Variants in ACACB observed in about 807,000 individuals in gnomAD.
ACACB encodes the protein acetyl-CoA carboxylase beta, also known as acetyl-CoA carboxylase 2.
ACACB carries 209 observed loss-of-function variants against 278.8 expected under a neutral mutation model. That is an observed-to-expected ratio of 0.75 (90% CI 0.67 to 0.84). The LOEUF is 0.84. Ranked by LOEUF, ACACB falls within the 40% of genes least tolerant of loss-of-function variation. ACACB has a pLI of 0.00. For synonymous variants in ACACB, 1,174 were observed against 1,285.6 expected (o/e 0.91, Z 1.86); for missense variants, 2,850 against 3,269.0 (o/e 0.87, Z 3.13).
intron 1 of ACACB, among the ~76,000 whole-genome samples, chr12:109,136,095 G>A (rs1232176417): frequency 6.6e-6 from 1 of 152,162 alleles, no homozygotes; most frequent in African/African-American, 2.4e-5. Flanking sequence ...ACAGGCATGA[G>A]CCACCATGCC....
intron 2 of ACACB, among the ~76,000 whole-genome samples, chr12:109,153,138 G>A (rs998493027): frequency 1.3e-5 from 2 of 151,408 alleles, no homozygotes; most frequent in Admixed American, 6.6e-5. Context: ...AGGCCACCCC[G>A]CCACCACACC....
rs2047426559 is a variant in ACACB at position 109,263,068 on chromosome 12, G to A, written c.6787+599G>A. ...TGATGGGGATTATCAGAATTTTGGT[G>A]GCAAAATGTTCCTTTAGAATTCCCA... On this transcript the variant is annotated intron_variant, in intron 49 of 52. Transcript: ENST00000338432. The A allele has an allele frequency of 3.4e-5, 5 of 149,154 alleles. No individual in the cohort carries two copies. In the South Asian group the frequency reaches 1.1e-3, roughly 32 times the overall value. The allele number at this position is 149,154 out of a possible 1,614,324, so 9.2% of individuals were successfully genotyped here. A position where few individuals can be genotyped will look rare whatever the true frequency, so the allele number is the denominator to read the frequency against.
At chr12:109,176,412 C>T (rs531020861) in intron 9 of ACACB, 149 bp downstream of exon 9, 23 of 723,536 alleles carry the variant, frequency 3.2e-5, no homozygotes, top group Non-Finnish European at 4.6e-5. Context: ...GCAACAAACG[C>T]GTACATTTTT....
In ACACB at chr12:109,250,065, G is replaced by A. The variant is rs542802114; in HGVS notation, c.5751G>A (p.Glu1917=). Residue 1917 remains glutamate, a synonymous_variant, in exon 41 of 53, where the codon GAG becomes GAA. Transcript: ENST00000338432. ...NLRGSGMIAG[E]SSLAYEEIVT... is the part of the protein sequence containing the mutation. The stretch of plus-strand genomic sequence containing the variant: ...GGGGCTCAGGCATGATTGCTGGGGA[G>A]TCCTCTCTGGCTTACGAAGAGATCG... 6.2e-7 allele frequency: 1 copy of A among 1,613,012 alleles called. No homozygotes were observed. The highest frequency in any genetic ancestry group is 1.1e-5 in the South Asian group (1 of 90,866).
chr12:109,258,245 G>A (rs367692223), intron 45 of ACACB, 23 bp from the exon 46 acceptor site: 12 of 1,598,952 alleles, frequency 7.5e-6, no homozygotes, highest in Middle Eastern at 1.7e-4. Flanking sequence ...CCAGGGCCTG[G>A]CTCACTGGTG....
chr12:109,143,852 T>C (rs1387087968), intron 2 of ACACB, among the ~76,000 whole-genome samples: 3 of 152,074 alleles, frequency 2.0e-5, no homozygotes, highest in African/African-American at 7.2e-5. Flanking sequence ...TGTCCAAACC[T>C]GGTGTTCCAG....
chr12:109,112,256 GTATA>G (rs1359756624), upstream of ACACB, among the ~76,000 whole-genome samples: 2 of 146,002 alleles, frequency 1.4e-5, no homozygotes, highest in Non-Finnish European at 3.0e-5. Flanking sequence ...ATATATGTAT[GTATA>G]TTCAATATAT....
intron 2 of ACACB, among the ~76,000 whole-genome samples, chr12:109,149,720 G>A (rs1274660135): frequency 2.6e-5 from 4 of 152,196 alleles, no homozygotes; most frequent in East Asian, 1.9e-4. Context: ...CCATCCATTC[G>A]TTGGCCCAGG....
At chr12:109,194,610 C>CTGTGTGTGTGTGTGTGTGTGTGTGTG (rs144545047) in intron 16 of ACACB, among the ~76,000 whole-genome samples, 1 of 95,318 alleles carries the variant, frequency 1.0e-5, no homozygotes, top group African/African-American at 3.3e-5. Context: ...GCCTCTGCCT[C>CTGTGTGTGTGTGTGTGTGTGTGTGTG]TGTGTGTGTG....
Position 109,233,914 on chromosome 12 carries a change from C to A in ACACB, c.4240-24C>A, listed in dbSNP as rs368250940. ...GCCGTGGCCCCCAGGCTTTCCAGCC[C>A]TACCCCTTGCTTCTCCCTCTCAGAG... On this transcript the variant is annotated intron_variant, in intron 30 of 52. Transcript: ENST00000338432. 11 of 1,613,436 alleles carry A rather than the reference C, an allele frequency of 6.8e-6. No homozygotes were observed. The African/African-American group carries it at 1.5e-4, about 22-fold the overall frequency.
intron 52 of ACACB, among the ~76,000 whole-genome samples, chr12:109,265,757 T>C (rs376065307): frequency 1.3e-5 from 2 of 152,088 alleles, no homozygotes; most frequent in Non-Finnish European, 2.9e-5. Flanking sequence ...GAAGGCCGTG[T>C]GAGATGCTTC....
chr12:109,216,317 A>G (rs778391158), intron 22 of ACACB, among the ~76,000 whole-genome samples: 1 of 144,706 alleles, frequency 6.9e-6, no homozygotes, highest in Non-Finnish European at 1.5e-5. Context: ...CTCTTCCCGG[A>G]TTCAAGCTAT....
chr12:109,191,900 C>T lies in ACACB; in HGVS notation c.2349C>T (p.Ala783=), dbSNP rs755655132. 6 of 1,614,138 alleles carry T rather than the reference C, an allele frequency of 3.7e-6. No homozygotes were observed. Among genetic ancestry groups the T allele is most frequent in the Non-Finnish European group, 5.1e-6 (6 of 1,180,042 alleles). Residue 783 remains alanine (A), a synonymous_variant, in exon 15 of 53, where the codon GCC becomes GCT. Coordinates refer to ENST00000338432, the MANE Select transcript of ACACB (RefSeq NM_001093.4). ...TGGTATGCGGGGCCTTGAACGTGGC[C>T]GATGCGATGTTCAGAACGTGCATGA... ...LGVVCGALNV[A]DAMFRTCMTD...
rs538887051 is a variant in ACACB at position 109,213,025 on chromosome 12, G to A, written c.3350+89G>A. On this transcript the variant is annotated intron_variant, in intron 22 of 52. Coordinates refer to ENST00000338432, the MANE Select transcript of ACACB (RefSeq NM_001093.4). ...GGTGGTGCTCTGGGGCTGTCTTCAG[G>A]GCAGGCTTGAACTGAGAGAAAGTGT... 14 of 1,163,964 alleles carry A rather than the reference G, an allele frequency of 1.2e-5. No individual in the cohort carries two copies. The East Asian group carries it at 1.6e-4, about 14-fold the overall frequency. 72.1% of individuals were successfully genotyped at this position (1,163,964 alleles called of 1,614,324 possible).
At chr12:109,130,605 G>A (rs1464112041) in intron 1 of ACACB, among the ~76,000 whole-genome samples, 3 of 152,200 alleles carry the variant, frequency 2.0e-5, no homozygotes, top group East Asian at 1.9e-4. Flanking sequence ...GCATTCAGCT[G>A]TAGGTTGCAG....
chr12:109,146,166 T>C (rs1360700331), intron 2 of ACACB, among the ~76,000 whole-genome samples: 1 of 152,212 alleles, frequency 6.6e-6, no homozygotes, highest in Non-Finnish European at 1.5e-5. Flanking sequence ...CCTTGCCCCA[T>C]TTCCAAGACA....
At chr12:109,140,243 C>T (rs113159614) in intron 2 of ACACB, among the ~76,000 whole-genome samples, 185 bp downstream of exon 2, 2,877 of 126,638 alleles carry the variant, frequency 0.023, 105 homozygotes, top group Middle Eastern at 0.045. Flanking sequence ...TCCTTCCTTC[C>T]TTCCTTCCTT....
At chr12:109,217,939 TGCTCATTTAATTCACGCA>T (rs2046052317) in intron 24 of ACACB, among the ~76,000 whole-genome samples, 1 of 152,232 alleles carries the variant, frequency 6.6e-6, no homozygotes, top group South Asian at 2.1e-4. Context: ...AATAAATAGT[TGCTCATTTAATTCACGCA>T]GCAGTCCTAG....
intron 18 of ACACB, among the ~76,000 whole-genome samples, chr12:109,200,724 G>A (rs1386095672): frequency 2.0e-5 from 3 of 152,068 alleles, no homozygotes; most frequent in Non-Finnish European, 2.9e-5. Context: ...AAACTCACTG[G>A]AGGTCACACA....
Sources: gnomAD v4.1 joint callset for allele counts (sites outside exome capture counted in the v4.1 genomes callset) on GRCh38, gnomAD v4.1.1 for gene constraint, MANE v1.5 for transcripts, NCBI Gene and HGNC (gene_info 2026-07-23, HGNC 2026-07-21) for gene names.